ZCCHC14: variants seen among roughly 807,000 people sequenced by gnomAD.
ZCCHC14 encodes the protein zinc finger CCHC domain-containing protein 14.
Under a neutral mutation model 85.0 loss-of-function variants are expected in ZCCHC14, and 16 were observed. The observed-to-expected ratio is 0.19, with a 90% CI of 0.13 to 0.29. The LOEUF (loss-of-function observed/expected upper bound fraction) is 0.29, where lower values mean the gene tolerates loss of function less well. Among genes scored for constraint, ZCCHC14 ranks in the 10% least tolerant of loss-of-function variants. ZCCHC14 has a pLI of 1.00. For synonymous variants in ZCCHC14, 775 were observed against 630.7 expected, an observed-to-expected ratio of 1.23 and a Z score of -3.43; for missense variants, 1,303 against 1,443.5, an observed-to-expected ratio of 0.90 and a Z score of 1.58.
rs1908282543 is a variant in ZCCHC14 at position 87,408,115 on chromosome 16, C to G, written c.*2165G>C. The G allele has an allele frequency of 6.6e-6, 1 of 152,188 alleles. No individual in the cohort carries two copies. The highest frequency in any genetic ancestry group is 2.1e-4 in the South Asian group (1 of 4,832). The allele number at this position is 152,188 out of a possible 1,614,324, so 9.4% of individuals were successfully genotyped here. On this transcript the variant is annotated 3_prime_UTR_variant, in exon 13 of 13. Transcript: ENST00000671377. ...TGGCAGGCTCCAAGTTGAAAAGTTT[C>G]TGTTTTAATGTTTTGCTGGATTTAA...
intron 7 of ZCCHC14, among the ~76,000 whole-genome samples, chr16:87,418,206 T>C (rs1194269400): frequency 2.6e-5 from 4 of 152,236 alleles, no homozygotes; most frequent in African/African-American, 9.6e-5. Flanking sequence ...CAAAATAGAC[T>C]ATTAAATCTT....
At chr16:87,485,572 T>C (rs1217524104) in intron 1 of ZCCHC14, among the ~76,000 whole-genome samples, 1 of 140,520 alleles carries the variant, frequency 7.1e-6, no homozygotes, top group Non-Finnish European at 1.5e-5. Context: ...ATAACTACTG[T>C]TCCAACGGGC....
chr16:87,437,120 T>C (rs1909962398), intron 2 of ZCCHC14, among the ~76,000 whole-genome samples: 1 of 151,942 alleles, frequency 6.6e-6, no homozygotes, highest in Non-Finnish European at 1.5e-5. Flanking sequence ...GTGGATCACC[T>C]GAGGTCAGGA....
At chr16:87,467,157 G>T in intron 1 of ZCCHC14, 1 of 1,233,456 alleles carries the variant, frequency 8.1e-7, no homozygotes, top group Non-Finnish European at 1.2e-6. Context: ...GTTGATAGAT[G>T]AAAACTGTCT....
chr16:87,418,268 G>T (rs1908899440), intron 7 of ZCCHC14, among the ~76,000 whole-genome samples: 1 of 152,208 alleles, frequency 6.6e-6, no homozygotes, highest in Non-Finnish European at 1.5e-5. Flanking sequence ...AGGCTGGAAG[G>T]TGTGACCGGC....
chr16:87,471,186 G>A (rs1302751792), intron 1 of ZCCHC14: 2 of 152,144 alleles, frequency 1.3e-5, no homozygotes, highest in East Asian at 1.9e-4. Flanking sequence ...ACAGGAAGGA[G>A]TAACGTCTGT....
intron 3 of ZCCHC14, among the ~76,000 whole-genome samples, chr16:87,431,644 T>C (rs1487059788): frequency 6.6e-6 from 1 of 152,174 alleles, no homozygotes; most frequent in African/African-American, 2.4e-5. Context: ...AAGCCCACTG[T>C]GCTATGACCA....
At chr16:87,427,490 C>G (rs1909432786) in intron 3 of ZCCHC14, among the ~76,000 whole-genome samples, 1 of 152,084 alleles carries the variant, frequency 6.6e-6, no homozygotes, top group Non-Finnish European at 1.5e-5. Flanking sequence ...CTCACTGCAA[C>G]CAACCTCCGC....
Position 87,412,528 on chromosome 16 carries a change from G to A in ZCCHC14, c.2193C>T (p.Thr731=). 1 of 1,614,008 alleles carries A rather than the reference G, an allele frequency of 6.2e-7. No homozygotes were observed. The highest frequency in any genetic ancestry group is 1.1e-5 in the South Asian group (1 of 91,076). ...CCAGCGTGGATGCATGCACGACTTT[G>A]GTCCGGGGACCAAAGGAGACTGTGG... The part of the protein sequence containing the change: ...MSPTVSFGPR[T]KVVHASTLDR... Residue 731 remains threonine (T), a synonymous_variant, in exon 12 of 13, where the codon ACC becomes ACT. Transcript: ENST00000671377.
rs1385911778 is a variant in ZCCHC14, at chr16:87,420,727, G to C, written c.841-11C>G. 6.2e-7 allele frequency: 1 copy of C among 1,604,904 alleles called. No individual in the cohort carries two copies. Among genetic ancestry groups the C allele is most frequent in the Non-Finnish European group, 8.5e-7 (1 of 1,174,716 alleles). On this transcript the variant is annotated splice_polypyrimidine_tract_variant and intron_variant, in intron 4 of 12. Transcript: ENST00000671377. The surrounding 1 kb of genome is among the most constrained non-coding windows in gnomAD (Gnocchi z 5.0). ...ATAGAGCTGACATAGCTGGAAGAGA[G>C]GACAAGGTAGAGGAGGTGTGTCCAG... is the stretch of plus-strand genomic sequence containing the variant.
At chr16:87,480,374 G>C (rs1238046706) in intron 1 of ZCCHC14, among the ~76,000 whole-genome samples, 1 of 152,100 alleles carries the variant, frequency 6.6e-6, no homozygotes, top group Non-Finnish European at 1.5e-5. Context: ...CTGCACTCCA[G>C]CCTGGGCGAC....
chr16:87,415,149 G>C, intron 9 of ZCCHC14, 127 bp downstream of exon 9: 1 of 688,456 alleles, frequency 1.5e-6, no homozygotes, highest in East Asian at 2.8e-5. Context: ...TAAAAGCATG[G>C]CTAAGGACTG....
Position 87,491,975 on chromosome 16 carries a change from C to A in ZCCHC14, c.264G>T (p.Leu88=). The A allele has an allele frequency of 8.5e-6, 12 of 1,405,844 alleles. No homozygotes were observed. Among genetic ancestry groups the A allele is most frequent in the Non-Finnish European group, 1.1e-5 (12 of 1,082,952 alleles). The allele number at this position is 1,405,844 out of a possible 1,614,324, so 87.1% of individuals were successfully genotyped here. ...CCGAGCCCAGCAGCGCCAGCGACAC[C>A]AGCAGCTTGCTGCGCACCACCTCGT... ...LTDEVVRSKL[L]VSLALLGSEQ... Residue 88 remains leucine (L), a synonymous_variant, in exon 1 of 13, where the codon CTG becomes CTT. Transcript: ENST00000671377. This position sits in a 1 kb window ranked among gnomAD's most constrained non-coding sequence, Gnocchi z 5.9.
Position 87,412,144 on chromosome 16 carries a change from C to T in ZCCHC14, c.2577G>A (p.Thr859=), listed in dbSNP as rs751348189. 29 of 1,613,860 alleles carry T rather than the reference C, an allele frequency of 1.8e-5. No individual in the cohort carries two copies. The South Asian group carries it at 2.5e-4, about 14-fold the overall frequency. Residue 859 remains threonine, a synonymous_variant, in exon 12 of 13, where the codon ACG becomes ACA. Coordinates refer to ENST00000671377, the MANE Select transcript of ZCCHC14 (RefSeq NM_015144.3). ...AGCTGGGGGCTGGGCAGCTGGGCAA[C>T]GTGGCCATGTTGGCAAAGGACGTGG... is the stretch of plus-strand genomic sequence containing the variant. The part of the protein sequence containing the change: ...HPSTSFANMA[T]LPSCPAPSSS...
rs1004219863 is a variant in ZCCHC14 at position 87,423,701 on chromosome 16, C to T, written c.840+109G>A. 40 of 1,276,548 alleles carry T rather than the reference C, an allele frequency of 3.1e-5. 1 individual carries two copies. The highest frequency in any genetic ancestry group is 3.8e-5 in the Non-Finnish European group (34 of 900,014). 79.1% of individuals were successfully genotyped at this position (1,276,548 alleles called of 1,614,324 possible). On this transcript the variant is annotated intron_variant, in intron 4 of 12. Transcript: ENST00000671377. ...TGGGCAGGAGGCCCCGCCCTGCGCA[C>T]GCTCACTCGCTAGCTGAAGGGAGTG...
At chr16:87,413,327 A>G in intron 10 of ZCCHC14, 132 bp from the exon 11 acceptor site, 1 of 1,314,654 alleles carries the variant, frequency 7.6e-7, no homozygotes, top group Non-Finnish European at 1.0e-6. Flanking sequence ...TCAGAAAACG[A>G]ACACGCCGGC....
chr16:87,441,452 T>C (rs1910181610), intron 2 of ZCCHC14, among the ~76,000 whole-genome samples: 1 of 152,244 alleles, frequency 6.6e-6, no homozygotes, highest in African/African-American at 2.4e-5. Context: ...GTCTTTGATT[T>C]TCCTTATCTC....
chr16:87,426,289 C>T (rs1290843926), intron 3 of ZCCHC14, among the ~76,000 whole-genome samples: 1 of 152,222 alleles, frequency 6.6e-6, no homozygotes, highest in African/African-American at 2.4e-5. Context: ...ACCTGCCTGA[C>T]CCGTACTATG....
chr16:87,462,672 G>A (rs902896883), intron 1 of ZCCHC14, among the ~76,000 whole-genome samples: 2 of 151,974 alleles, frequency 1.3e-5, no homozygotes, highest in African/African-American at 4.8e-5. Context: ...CCCGGAAGGT[G>A]GAGCTTGCAG....
Sources: allele counts gnomAD v4.1 joint callset (sites outside exome capture counted in the v4.1 genomes callset), GRCh38; gene constraint gnomAD v4.1.1; non-coding constraint Gnocchi (gnomAD v3.1); transcripts MANE v1.5; gene names NCBI Gene and HGNC (gene_info 2026-07-23, HGNC 2026-07-21).